PRH1: variants seen among roughly 807,000 people sequenced by gnomAD.
PRH1 encodes the protein proline rich protein HaeIII subfamily 1.
A neutral mutation model predicts 7.9 loss-of-function variants in PRH1; 7 were observed. That is an observed-to-expected ratio of 0.89 (90% CI 0.50 to 1.67). The LOEUF (loss-of-function observed/expected upper bound fraction) is 1.67. Among genes scored for constraint, PRH1 ranks in the 40% most tolerant of loss-of-function variants. The pLI is 0.00. For missense variants in PRH1, 109 were observed against 223.6 expected (o/e 0.49, Z 3.27); for synonymous variants, 45 against 80.8 (o/e 0.56, Z 2.38).
At position 11,134,343 on chromosome 12, in the gene PRH1, T is replaced by C. The variant is rs1273494722; in HGVS notation, n.40-13163A>G. The C allele has an allele frequency of 3.3e-6, 4 of 1,228,922 alleles. No individual in the cohort carries two copies. In the Admixed American group the frequency reaches 1.1e-4, roughly 35 times the overall value. 76.1% of individuals were successfully genotyped at this position (1,228,922 alleles called of 1,614,324 possible). A position where few individuals can be genotyped will look rare whatever the true frequency, so the allele number is the denominator to read the frequency against. ...CCTTAAATTCTATATGCACCTGATT[T>C]GTGTATGTGCTGTGACATTCTTTTT... is the stretch of plus-strand genomic sequence containing the variant. On this transcript the variant is annotated intron_variant and non_coding_transcript_variant, in intron 1 of 1. Coordinates refer to the PRH1 transcript ENST00000541175.
chr12:11,056,813 G>A (rs1023587219), intron 1 of PRH1, among the ~76,000 whole-genome samples: 2 of 148,186 alleles, frequency 1.3e-5, no homozygotes, highest in East Asian at 2.0e-4. Context: ...GCTAGACTCC[G>A]TCTCGAGAAA....
chr12:11,087,372 G>A (rs115356968), intron 1 of PRH1, among the ~76,000 whole-genome samples: 2,840 of 117,354 alleles, frequency 0.024, 794 homozygotes, highest in South Asian at 0.038. Flanking sequence ...AGGACTACAG[G>A]CATGAGCCAT....
chr12:11,126,629 G>A (rs539162051), intron 1 of PRH1, among the ~76,000 whole-genome samples: 2 of 142,288 alleles, frequency 1.4e-5, no homozygotes, highest in South Asian at 2.3e-4. Context: ...GTCTTCAGAT[G>A]TGATCCATCA....
At chr12:11,150,864 C>G (rs1947060337) in intron 1 of PRH1, among the ~76,000 whole-genome samples, 1 of 152,002 alleles carries the variant, frequency 6.6e-6, no homozygotes, top group Non-Finnish European at 1.5e-5. Context: ...TGTATTGATC[C>G]TCTATACCAG....
chr12:10,942,935 G>C (rs1160279072), intron 2 of PRH1, among the ~76,000 whole-genome samples: 1 of 152,124 alleles, frequency 6.6e-6, no homozygotes, highest in Admixed American at 6.5e-5. Context: ...TCAGCTCCAG[G>C]TAAGGTTGTA....
chr12:10,996,796 T>C (rs1413662742), intron 1 of PRH1: 3 of 526,276 alleles, frequency 5.7e-6, no homozygotes, highest in Non-Finnish European at 9.5e-6. Context: ...TACTTTTATA[T>C]AATAAACTTA....
chr12:11,086,007 G>T (rs1388657660), intron 1 of PRH1, among the ~76,000 whole-genome samples: 1 of 133,650 alleles, frequency 7.5e-6, no homozygotes, highest in Non-Finnish European at 1.7e-5. Context: ...GGTTTTCTTT[G>T]GAAGCCCAGG....
At chr12:11,151,420 G>GA (rs2136427592) in intron 1 of PRH1, among the ~76,000 whole-genome samples, 1 of 152,248 alleles carries the variant, frequency 6.6e-6, no homozygotes, top group South Asian at 2.1e-4. Context: ...TCTGACCAAT[G>GA]AAAGATGAGA....
At chr12:11,142,069 G>GGCAT (rs1233702749) in intron 1 of PRH1, among the ~76,000 whole-genome samples, 1 of 152,102 alleles carries the variant, frequency 6.6e-6, no homozygotes, top group Non-Finnish European at 1.5e-5. Context: ...CTTGGATACA[G>GGCAT]GCATGAACAA....
At chr12:11,152,488 TTTCTC>T (rs1234009152) in intron 1 of PRH1, among the ~76,000 whole-genome samples, 2 of 152,080 alleles carry the variant, frequency 1.3e-5, no homozygotes, top group Non-Finnish European at 2.9e-5. Context: ...TAGAAGAAAA[TTTCTC>T]TTCTCTCAAG....
chr12:11,102,750 CA>C lies in PRH1; in HGVS notation n.124-55563del. 2.6e-5 allele frequency among the ~76,000 whole-genome samples: 4 copies of C among 152,244 alleles called. No individual in the cohort carries two copies. The East Asian group carries it at 7.7e-4, about 29-fold the overall frequency. On this transcript the variant is annotated intron_variant and non_coding_transcript_variant, in intron 1 of 4. Transcript: ENST00000541977. ...CAAAAGAAACTACTGTCACAGTGAA[CA>C]GGCAACCTACAGAAGGAGAAAATTT...
At chr12:11,054,939 CGCCTCACTGCAAGCTCT>C (rs1290983483) in intron 1 of PRH1, among the ~76,000 whole-genome samples, 13 of 145,540 alleles carry the variant, frequency 8.9e-5, no homozygotes, top group East Asian at 6.0e-4. Context: ...CTGCAAGCTC[CGCCTCACTGCAAGCTCT>C]GCCTCACTGC....
intron 1 of PRH1, among the ~76,000 whole-genome samples, chr12:11,006,900 G>A (rs1940857505): frequency 6.6e-6 from 1 of 152,028 alleles, no homozygotes; most frequent in African/African-American, 2.4e-5. Context: ...GCTATACGCT[G>A]AAATTTTTAA....
chr12:10,916,892 GATAAAATAAAATAAA>G (rs530963275), intron 2 of PRH1, among the ~76,000 whole-genome samples: 1 of 146,358 alleles, frequency 6.8e-6, no homozygotes, highest in Non-Finnish European at 1.5e-5. Context: ...TATAAAATAA[GATAAAATAAAATAAA>G]ATAAAATAAA....
intron 1 of PRH1, among the ~76,000 whole-genome samples, chr12:11,126,703 C>T (rs929120545): frequency 2.1e-5 from 3 of 139,850 alleles, no homozygotes; most frequent in African/African-American, 5.1e-5. Flanking sequence ...GATTACAATC[C>T]TAGAGTGTAA....
intron 2 of PRH1, among the ~76,000 whole-genome samples, chr12:10,925,631 G>A (rs911303279): frequency 2.6e-5 from 4 of 152,168 alleles, no homozygotes; most frequent in Non-Finnish European, 5.9e-5. Context: ...GGAAGCCTAC[G>A]TAAATGTGCT....
chr12:11,048,602 G>T, upstream of PRH1: 1 of 608,402 alleles, frequency 1.6e-6, no homozygotes, highest in South Asian at 1.8e-5. Context: ...TTGGTGCTGA[G>T]ATGTTGAGAT....
At chr12:10,947,109 T>C (rs1276145057) in intron 2 of PRH1, among the ~76,000 whole-genome samples, 1 of 152,192 alleles carries the variant, frequency 6.6e-6, no homozygotes, top group Non-Finnish European at 1.5e-5. Flanking sequence ...ATTCTCTTAT[T>C]TGGGGATGGA....
At position 11,026,905 on chromosome 12, in the gene PRH1, A is replaced by G. The variant is rs144997011; in HGVS notation, c.-126+20115T>C. Reference sequence around the variant, plus strand: ...AATAATAACACTGTGTCACTGTTTTATATCACGGCTATGTCACTTCTGTTT... The same window carrying G: ...AATAATAACACTGTGTCACTGTTTTGTATCACGGCTATGTCACTTCTGTTT... On this transcript the variant is annotated intron_variant, in intron 1 of 3. Transcript: ENST00000539853. Among the ~76,000 whole-genome samples the G allele has an allele frequency of 2.4e-3, 363 of 152,362 alleles. 1 individual carries two copies. The highest frequency in any genetic ancestry group is 8.3e-3 in the African/African-American group (346 of 41,584).
Sources: allele counts gnomAD v4.1 joint callset (sites outside exome capture counted in the v4.1 genomes callset), GRCh38; gene constraint gnomAD v4.1.1; transcripts MANE v1.5; gene names NCBI Gene and HGNC (gene_info 2026-07-23, HGNC 2026-07-21).